The following RDH13 variants were observed in gnomAD, a reference collection of about 807,000 sequenced individuals.
The protein encoded by RDH13 is retinol dehydrogenase 13, also known as retinol dehydrogenase 13 (all-trans and 9-cis).
In RDH13, 35 loss-of-function variants were observed where a neutral mutation model predicts 28.3. That is an observed-to-expected ratio of 1.24 (90% CI 0.95 to 1.64). RDH13 has a LOEUF of 1.64. Among genes scored for constraint, RDH13 ranks in the 40% most tolerant of loss-of-function variants. The probability of loss-of-function intolerance (pLI) is 0.00; values close to 1 mark genes in which losing one functional copy is unlikely to be tolerated. For missense variants in RDH13, 514 were observed against 446.3 expected, an observed-to-expected ratio of 1.15 and a Z score of -1.37; for synonymous variants, 229 against 198.5, an observed-to-expected ratio of 1.15 and a Z score of -1.29.
At chr19:55,041,093 T>A (rs2085031343), downstream of RDH13, 2 of 152,274 alleles carry the variant, frequency 1.3e-5, no homozygotes, top group African/African-American at 4.8e-5. Context: ...GCCACTGCAC[T>A]CCAGCCTGGG....
chr19:55,050,589 G>A (rs1012704099), intron 3 of RDH13: 1 of 152,156 alleles, frequency 6.6e-6, no homozygotes, highest in African/African-American at 2.4e-5. Flanking sequence ...TGCCCAGCTA[G>A]CACGTCTGTT....
rs1051728338 is a variant in RDH13 at position 55,048,068 on chromosome 19, C to G, written c.658+261G>C. On this transcript the variant is annotated intron_variant, in intron 5 of 6. Coordinates refer to ENST00000415061, the MANE Select transcript of RDH13 (RefSeq NM_001145971.2). ...CACTGGCTGGAGCCAAAAGGCTGAG[C>G]TGCCTGCCCAACAGCAGCAGGGAAG... 4.7e-6 allele frequency: 7 copies of G among 1,483,656 alleles called. No individual in the cohort carries two copies. The African/African-American group carries it at 6.9e-5, about 15-fold the overall frequency. The allele number at this position is 1,483,656 out of a possible 1,614,324, so 91.9% of individuals were successfully genotyped here.
chr19:55,056,982 C>A (rs1217505802), intron 2 of RDH13, among the ~76,000 whole-genome samples, 174 bp from the exon 3 acceptor site: 1 of 152,110 alleles, frequency 6.6e-6, no homozygotes, highest in Non-Finnish European at 1.5e-5. Context: ...GATGAAGGGA[C>A]AACAAAATGT....
At chr19:55,041,938 CTTTCCTTGAT>C (rs1046305171), downstream of RDH13, 1 of 152,132 alleles carries the variant, frequency 6.6e-6, no homozygotes, top group Non-Finnish European at 1.5e-5. Flanking sequence ...TGTCCTTTGA[CTTTCCTTGAT>C]ATGAATGAAG....
At chr19:55,056,145 C>A (rs1429266388) in intron 3 of RDH13, among the ~76,000 whole-genome samples, 3 of 151,896 alleles carry the variant, frequency 2.0e-5, no homozygotes, top group Non-Finnish European at 2.9e-5. Context: ...CAGAGCGAGA[C>A]CCCATCTGTC....
chr19:55,063,333 A>G (rs900319097), upstream of RDH13: 2 of 363,140 alleles, frequency 5.5e-6, no homozygotes, highest in African/African-American at 4.2e-5. Flanking sequence ...TGTTCGAATG[A>G]CGTCACACTT....
chr19:55,054,766 C>A (rs1233749449), intron 3 of RDH13, among the ~76,000 whole-genome samples: 5 of 149,832 alleles, frequency 3.3e-5, no homozygotes, highest in African/African-American at 9.8e-5. Context: ...TTGGTACACA[C>A]AAGGTCTCAC....
downstream of RDH13, chr19:55,039,397 A>C (rs1362457395): frequency 6.6e-6 from 1 of 152,168 alleles, no homozygotes; most frequent in Non-Finnish European, 1.5e-5. Flanking sequence ...CTGGGCGTTA[A>C]ATTAGCCGGG....
chr19:55,064,168 A>C (rs1432014273), upstream of RDH13: 1 of 152,278 alleles, frequency 6.6e-6, no homozygotes, highest in Non-Finnish European at 1.5e-5. Context: ...CACGCCTGTA[A>C]TCCCAGCACT....
At chr19:55,043,293 C>CAG (rs2075091616), downstream of RDH13, 1 of 152,396 alleles carries the variant, frequency 6.6e-6, no homozygotes, top group East Asian at 1.9e-4. Context: ...CCCAGATACT[C>CAG]AGGAGGCTGA....
intron 3 of RDH13, 145 bp from the exon 4 acceptor site, chr19:55,048,908 A>G: frequency 1.4e-6 from 1 of 711,028 alleles, no homozygotes; most frequent in Non-Finnish European, 2.5e-6. Flanking sequence ...CCATGTCAGG[A>G]TGCGGTCATT....
intron 3 of RDH13, chr19:55,050,756 G>A (rs1273510448): frequency 6.6e-6 from 1 of 152,110 alleles, no homozygotes; most frequent in Admixed American, 6.6e-5. Flanking sequence ...CCTATCCTTG[G>A]GGGTGGAGGA....
intron 3 of RDH13, chr19:55,053,877 AT>A (rs2075544382): frequency 4.6e-5 from 7 of 152,284 alleles, no homozygotes; most frequent in Admixed American, 2.0e-4. Flanking sequence ...GACAGTGTGC[AT>A]GAAGGTGACA....
chr19:55,052,542 TAAA>T (rs35692980), intron 3 of RDH13, among the ~76,000 whole-genome samples: 21 of 132,434 alleles, frequency 1.6e-4, no homozygotes, highest in Non-Finnish European at 2.0e-4. Context: ...AACTCCGTCT[TAAA>T]AAAAAAAAAA....
intron 3 of RDH13, among the ~76,000 whole-genome samples, chr19:55,052,281 G>A (rs1026304882): frequency 3.3e-5 from 5 of 151,842 alleles, no homozygotes; most frequent in African/African-American, 7.3e-5. Flanking sequence ...GGTGGCAGGT[G>A]CCTGTAATCC....
At chr19:55,065,327 T>G (rs2075941362), upstream of RDH13, among the ~76,000 whole-genome samples, 1 of 151,688 alleles carries the variant, frequency 6.6e-6, no homozygotes, top group African/African-American at 2.4e-5. Context: ...AAGGCTATGA[T>G]GAGCTGTGAT....
intron 6 of RDH13, 129 bp from the exon 7 acceptor site, chr19:55,045,438 C>G: frequency 1.6e-6 from 1 of 643,116 alleles, no homozygotes; most frequent in Non-Finnish European, 2.6e-6. Context: ...TTCCCCTTGG[C>G]TGCCTCCATC....
chr19:55,054,791 T>C (rs894546947), intron 3 of RDH13, among the ~76,000 whole-genome samples: 3 of 151,782 alleles, frequency 2.0e-5, no homozygotes, highest in Admixed American at 1.3e-4. Context: ...CTTCCTAGGC[T>C]GGTCTCTAAC....
intron 3 of RDH13, among the ~76,000 whole-genome samples, chr19:55,051,562 T>C (rs967824454): frequency 6.9e-6 from 1 of 144,766 alleles, no homozygotes; most frequent in Admixed American, 7.0e-5. Flanking sequence ...TCCCGAGTAC[T>C]GGGATTACAG....
Sources: allele counts gnomAD v4.1 joint callset (sites outside exome capture counted in the v4.1 genomes callset), GRCh38; gene constraint gnomAD v4.1.1; transcripts MANE v1.5; gene names NCBI Gene and HGNC (gene_info 2026-07-23, HGNC 2026-07-21).